Variants in TCF7L2 observed in about 807,000 individuals in gnomAD.
TCF7L2 encodes the protein transcription factor 7-like 2.
A neutral mutation model predicts 77.9 loss-of-function variants in TCF7L2; 23 were observed. The ratio of observed to expected loss-of-function variants is 0.30; its 90% CI spans 0.21 to 0.42. The LOEUF is 0.42. Among genes scored for constraint, TCF7L2 ranks in the 10% least tolerant of loss-of-function variants. The probability of loss-of-function intolerance (pLI) is 1.00; values close to 1 mark genes in which losing one functional copy is unlikely to be tolerated. For synonymous variants in TCF7L2, 413 were observed against 340.2 expected, an observed-to-expected ratio of 1.21 and a Z score of -2.36; for missense variants, 654 against 793.1, an observed-to-expected ratio of 0.82 and a Z score of 2.11.
At chr10:112,972,662 G>A (rs2134949745) in intron 4 of TCF7L2, among the ~76,000 whole-genome samples, 1 of 152,196 alleles carries the variant, frequency 6.6e-6, no homozygotes, top group Non-Finnish European at 1.5e-5. Flanking sequence ...GTGGAGATGG[G>A]GCTTCGCCAT....
At position 113,077,702 on chromosome 10, in the gene TCF7L2, C is replaced by CTT. The variant is rs34093384; in HGVS notation, c.552+37591_552+37592dup. 1.8e-3 allele frequency among the ~76,000 whole-genome samples: 236 copies of CTT among 134,074 alleles called. 3 individuals carry two copies. Among genetic ancestry groups the CTT allele is most frequent in the South Asian group, 0.016 (66 of 4,150 alleles). The allele number at this position is 134,074 out of a possible 152,430, so 88.0% of individuals were successfully genotyped here. ...CATAATTTCTTTCTTTTCTTTTCTT[C>CTT]TTTTTTTTTTTTTTTTGAGATAGAG... On this transcript the variant is annotated intron_variant, in intron 5 of 13. Coordinates refer to ENST00000627217, the MANE Select transcript of TCF7L2 (RefSeq NM_001146274.2).
chr10:112,967,874 A>T (rs549514432), intron 4 of TCF7L2, among the ~76,000 whole-genome samples: 1 of 152,304 alleles, frequency 6.6e-6, no homozygotes, highest in Non-Finnish European at 1.5e-5. Context: ...ACCTCAGGTG[A>T]TCCTCCTGCC....
intron 4 of TCF7L2, among the ~76,000 whole-genome samples, chr10:113,006,937 A>G (rs2045650982): frequency 6.6e-6 from 1 of 152,104 alleles, no homozygotes; most frequent in Admixed American, 6.5e-5. Flanking sequence ...TGCTGTCCTC[A>G]CTGATGCACC....
At chr10:112,957,201 T>A (rs2033889329) in intron 3 of TCF7L2, among the ~76,000 whole-genome samples, 2 of 144,746 alleles carry the variant, frequency 1.4e-5, no homozygotes, top group African/African-American at 5.1e-5. Context: ...TTTTTTTTTT[T>A]TTTTTTTTTT....
At chr10:113,100,349 G>T (rs2061498618) in intron 5 of TCF7L2, among the ~76,000 whole-genome samples, 1 of 152,218 alleles carries the variant, frequency 6.6e-6, no homozygotes, top group African/African-American at 2.4e-5. Flanking sequence ...GTCACTGTGG[G>T]GTCTTAATTC....
intron 4 of TCF7L2, among the ~76,000 whole-genome samples, chr10:112,989,984 A>C (rs2042235359): frequency 2.0e-5 from 3 of 152,174 alleles, no homozygotes; most frequent in Non-Finnish European, 4.4e-5. Flanking sequence ...CGCTTCTGCG[A>C]ATGTGTTGGC....
intron 4 of TCF7L2, among the ~76,000 whole-genome samples, chr10:112,978,593 A>C (rs371298566): frequency 4.2e-4 from 63 of 148,258 alleles, no homozygotes; most frequent in African/African-American, 1.5e-3. Flanking sequence ...AGCCCTCCCG[A>C]GTAGCTGGGA....
chr10:113,144,529 G>A (rs920027044), intron 7 of TCF7L2, among the ~76,000 whole-genome samples: 32 of 152,164 alleles, frequency 2.1e-4, no homozygotes, highest in African/African-American at 7.2e-4. Context: ...GCATGTTCTT[G>A]TATGATTCCA....
chr10:113,126,798 GC>G (rs2065696255), intron 5 of TCF7L2: 1 of 985,228 alleles, frequency 1.0e-6, no homozygotes, highest in African/African-American at 1.7e-5. Context: ...CGCGGCCGGC[GC>G]GGGCCCTGGG....
chr10:113,005,843 G>T (rs1564774265), intron 4 of TCF7L2, among the ~76,000 whole-genome samples: 1 of 152,202 alleles, frequency 6.6e-6, no homozygotes, highest in Non-Finnish European at 1.5e-5. Flanking sequence ...GGATCTGGTA[G>T]TTCCCTCTGT....
chr10:113,082,736 CG>C (rs1564870135), intron 5 of TCF7L2, among the ~76,000 whole-genome samples: 1 of 152,032 alleles, frequency 6.6e-6, no homozygotes, highest in African/African-American at 2.4e-5. Flanking sequence ...CGCTTCTGTA[CG>C]TAGAGAGTCA....
chr10:113,089,664 A>T, intron 5 of TCF7L2: 1 of 1,292,132 alleles, frequency 7.7e-7, no homozygotes, highest in Non-Finnish European at 1.0e-6. Context: ...TTGTTGGGTC[A>T]CTGTCATTTT....
At chr10:112,964,714 A>AATGATGATG (rs982801293) in intron 4 of TCF7L2, 90 bp downstream of exon 4, 328 of 950,210 alleles carry the variant, frequency 3.5e-4, no homozygotes, top group Middle Eastern at 3.4e-3. Flanking sequence ...CAACTGAGAT[A>AATGATGATG]ATGATGATGA....
intron 4 of TCF7L2, among the ~76,000 whole-genome samples, chr10:112,974,735 G>A (rs1024183371): frequency 1.7e-4 from 26 of 152,046 alleles, no homozygotes; most frequent in Admixed American, 1.7e-3. Flanking sequence ...GAACCACCGC[G>A]CCCGGCTGTC....
At chr10:113,161,261 G>A in intron 13 of TCF7L2, 1 of 400,474 alleles carries the variant, frequency 2.5e-6, no homozygotes, top group Non-Finnish European at 4.5e-6. Flanking sequence ...GCGTGGCATT[G>A]AACGGCATGC....
chr10:112,988,678 G>A (rs144016343), intron 4 of TCF7L2, among the ~76,000 whole-genome samples: 7 of 152,256 alleles, frequency 4.6e-5, no homozygotes, highest in Non-Finnish European at 5.9e-5. Flanking sequence ...GCATTATTCC[G>A]TGATGTGCAT....
At position 113,139,611 on chromosome 10, in the gene TCF7L2, T is replaced by C. The variant is rs150164510; in HGVS notation, c.553-1573T>C. ...CTTTCTCCAAGAGTCCAGTTATACATAGGAATTGGTAAACCAGGCTGTTGG... is the reference window on the plus strand; with the variant it reads ...CTTTCTCCAAGAGTCCAGTTATACACAGGAATTGGTAAACCAGGCTGTTGG... On this transcript the variant is annotated intron_variant, in intron 5 of 13. Transcript: ENST00000627217. Among the ~76,000 whole-genome samples the C allele has an allele frequency of 2.4e-3, 362 of 152,276 alleles. 3 individuals are homozygous for C. Among genetic ancestry groups the C allele is most frequent in the Non-Finnish European group, 4.4e-3 (297 of 68,018 alleles).
chr10:113,118,919 G>A (rs900959992), intron 5 of TCF7L2, among the ~76,000 whole-genome samples: 1 of 152,016 alleles, frequency 6.6e-6, no homozygotes, highest in African/African-American at 2.4e-5. Flanking sequence ...CTTTGAAAAT[G>A]CAATTGTAAT....
At chr10:113,160,738 C>A (rs143737617) in intron 13 of TCF7L2, 2 of 1,511,276 alleles carry the variant, frequency 1.3e-6, no homozygotes, top group East Asian at 2.4e-5. Context: ...GCATTCTGTC[C>A]TTCCGGTACC....
Sources: gnomAD v4.1 joint callset for allele counts (sites outside exome capture counted in the v4.1 genomes callset) on GRCh38, gnomAD v4.1.1 for gene constraint, MANE v1.5 for transcripts, NCBI Gene and HGNC (gene_info 2026-07-23, HGNC 2026-07-21) for gene names.